Variants in ACO2 observed in about 807,000 individuals in gnomAD.
The protein encoded by ACO2 is aconitase 2.
ACO2 carries 31 observed loss-of-function variants against 84.5 expected under a neutral mutation model. That is an observed-to-expected ratio of 0.37 (90% CI 0.28 to 0.50). ACO2 has a LOEUF of 0.50. Among genes scored for constraint, ACO2 ranks in the 20% least tolerant of loss-of-function variants. The pLI, the probability that ACO2 is intolerant of heterozygous loss-of-function variation, is 0.97. For missense variants in ACO2, 685 were observed against 1,029.3 expected (o/e 0.67, Z 4.58); for synonymous variants, 414 against 412.7 (o/e 1.00, Z -0.04).
intron 3 of ACO2, among the ~76,000 whole-genome samples, chr22:41,508,884 G>A (rs1045342741): frequency 1.3e-5 from 2 of 152,272 alleles, no homozygotes; most frequent in East Asian, 1.9e-4. Flanking sequence ...CGGCCTGTGG[G>A]CATGTGATTG....
At chr22:41,488,158 T>C (rs918960903) in intron 1 of ACO2, among the ~76,000 whole-genome samples, 1 of 152,236 alleles carries the variant, frequency 6.6e-6, no homozygotes, top group African/African-American at 2.4e-5. Flanking sequence ...GTCTTCCTTA[T>C]TCTACCAGAT....
intron 1 of ACO2, among the ~76,000 whole-genome samples, chr22:41,493,886 T>A (rs1462146788): frequency 1.3e-5 from 2 of 152,100 alleles, no homozygotes; most frequent in Non-Finnish European, 2.9e-5. Context: ...TGGCAAAACC[T>A]CCTCTCTACT....
chr22:41,527,090 C>T, intron 15 of ACO2, 198 bp from the exon 16 acceptor site: 1 of 731,184 alleles, frequency 1.4e-6, no homozygotes, highest in Non-Finnish European at 2.2e-6. Context: ...CCTCTGTCCC[C>T]TCGGGGCCTC....
intron 2 of ACO2, among the ~76,000 whole-genome samples, chr22:41,500,348 GTATATATATATT>G (rs1429092937): frequency 6.8e-6 from 1 of 146,510 alleles, no homozygotes. Context: ...TTGAGGCAGA[GTATATATATATT>G]TATATATATA....
chr22:41,518,723 C>A, intron 8 of ACO2, 151 bp downstream of exon 8: 1 of 614,732 alleles, frequency 1.6e-6, no homozygotes. Context: ...CAGTTGAGGT[C>A]AGCAGTTCAA....
intron 1 of ACO2, among the ~76,000 whole-genome samples, chr22:41,488,261 C>T (rs1221125434): frequency 3.3e-5 from 5 of 152,102 alleles, no homozygotes; most frequent in South Asian, 4.1e-4. Flanking sequence ...GCAGATGGGA[C>T]GTGGGCATGT....
intron 1 of ACO2, among the ~76,000 whole-genome samples, chr22:41,475,364 G>A (rs925647439): frequency 1.5e-4 from 23 of 151,626 alleles, no homozygotes; most frequent in Middle Eastern, 3.4e-3. Context: ...TGGAGATGGG[G>A]ATCTTGCCAT....
chr22:41,504,524 A>G (rs979435528), intron 2 of ACO2, among the ~76,000 whole-genome samples: 1 of 152,098 alleles, frequency 6.6e-6, no homozygotes, highest in African/African-American at 2.4e-5. Flanking sequence ...TTTTAAGCCC[A>G]TGTGCTATTT....
intron 2 of ACO2, among the ~76,000 whole-genome samples, chr22:41,503,571 C>T (rs2066369658): frequency 6.6e-6 from 1 of 152,098 alleles, no homozygotes; most frequent in Admixed American, 6.6e-5. Context: ...CCTTGTGATC[C>T]ACCCGCCTCA....
intron 1 of ACO2, among the ~76,000 whole-genome samples, chr22:41,477,903 A>G (rs561062333): frequency 3.3e-5 from 5 of 151,958 alleles, no homozygotes; most frequent in Non-Finnish European, 7.4e-5. Context: ...CGTCTCTACT[A>G]AAAATACAGA....
intron 1 of ACO2, 107 bp from the exon 2 acceptor site, chr22:41,499,619 C>G (rs1228834185): frequency 4.7e-6 from 6 of 1,278,370 alleles, no homozygotes; most frequent in Non-Finnish European, 6.5e-6. Flanking sequence ...TACTGAACAG[C>G]TCTTGACACT....
chr22:41,496,359 G>A (rs187766918), intron 1 of ACO2, among the ~76,000 whole-genome samples: 3 of 152,210 alleles, frequency 2.0e-5, no homozygotes, highest in Admixed American at 6.5e-5. Flanking sequence ...AACTTGTATG[G>A]TTTCTCATTT....
chr22:41,473,751 G>A (rs1031823031), intron 1 of ACO2, among the ~76,000 whole-genome samples: 2 of 152,148 alleles, frequency 1.3e-5, no homozygotes, highest in African/African-American at 4.8e-5. Flanking sequence ...ATCTGAACTG[G>A]GACTTAAATG....
At chr22:41,511,369 G>A (rs569015854) in intron 3 of ACO2, among the ~76,000 whole-genome samples, 26 of 152,118 alleles carry the variant, frequency 1.7e-4, no homozygotes, top group South Asian at 2.1e-4. Context: ...ACAGGGTTTC[G>A]CCATGTTGGC....
chr22:41,503,143 A>C (rs1174596962), intron 2 of ACO2, among the ~76,000 whole-genome samples: 1 of 152,208 alleles, frequency 6.6e-6, no homozygotes, highest in African/African-American at 2.4e-5. Flanking sequence ...CCTTTAAGGC[A>C]CTGGGAGTTT....
chr22:41,502,873 G>T (rs947069311), intron 2 of ACO2, among the ~76,000 whole-genome samples: 2 of 151,778 alleles, frequency 1.3e-5, no homozygotes, highest in African/African-American at 4.8e-5. Flanking sequence ...GCCTCCCAAA[G>T]TGCTGGGATT....
chr22:41,499,379 C>T (rs1002811570), intron 1 of ACO2, among the ~76,000 whole-genome samples: 28 of 152,178 alleles, frequency 1.8e-4, no homozygotes, highest in African/African-American at 6.5e-4. Context: ...TTAACCTTCC[C>T]AGTACCCCGT....
intron 1 of ACO2, among the ~76,000 whole-genome samples, chr22:41,476,605 G>A (rs1273161750): frequency 2.0e-5 from 3 of 150,756 alleles, no homozygotes; most frequent in Non-Finnish European, 4.4e-5. Flanking sequence ...AGCTACTCGG[G>A]AGGCTGAGGT....
Position 41,527,330 on chromosome 22 carries a change from G to T in ACO2, c.1996G>T (p.Gly666Cys). The T allele has an allele frequency of 1.2e-6, 2 of 1,614,132 alleles. No individual in the cohort carries two copies. Among genetic ancestry groups the T allele is most frequent in the East Asian group, 2.2e-5 (1 of 44,878 alleles). The part of the protein sequence containing the change: ...RWVVIGDENY[G>C]EGSSREHAAL... ...GGTGGTGATCGGAGACGAGAACTACGGCGAGGGCTCGAGCCGGGAGCATGC... is the reference window on the plus strand; with the variant it reads ...GGTGGTGATCGGAGACGAGAACTACTGCGAGGGCTCGAGCCGGGAGCATGC... Residue 666 changes from glycine to cysteine, a missense_variant, in exon 16 of 18, where the codon GGC becomes TGC. Physicochemically the swap from Gly to Cys is radical, Grantham distance 159. Coordinates refer to ENST00000216254, the MANE Select transcript of ACO2 (RefSeq NM_001098.3).
Sources: gnomAD v4.1 joint callset for allele counts (sites outside exome capture counted in the v4.1 genomes callset) on GRCh38, gnomAD v4.1.1 for gene constraint, MANE v1.5 for transcripts, NCBI Gene and HGNC (gene_info 2026-07-23, HGNC 2026-07-21) for gene names.